Variants in LRRCC1 observed in about 807,000 individuals in gnomAD.
The protein encoded by LRRCC1 is leucine-rich repeat and coiled-coil domain-containing protein 1.
In LRRCC1, 115 loss-of-function variants were observed where a neutral mutation model predicts 126.0. That is an observed-to-expected ratio of 0.91 (90% CI 0.78 to 1.07). The LOEUF (loss-of-function observed/expected upper bound fraction) is 1.07. Ranked by LOEUF, LRRCC1 falls within the 50% of genes least tolerant of loss-of-function variation. The probability of loss-of-function intolerance (pLI) is 0.00; values close to 1 mark genes in which losing one functional copy is unlikely to be tolerated. For missense variants in LRRCC1, 1,172 were observed against 1,175.7 expected, an observed-to-expected ratio of 1.00 and a Z score of 0.05; for synonymous variants, 400 against 393.4, an observed-to-expected ratio of 1.02 and a Z score of -0.20.
intron 6 of LRRCC1, among the ~76,000 whole-genome samples, chr8:85,121,916 A>G (rs748949030): frequency 5.9e-5 from 9 of 152,126 alleles, no homozygotes; most frequent in African/African-American, 2.2e-4. Flanking sequence ...TGAGGATTCA[A>G]ATTTCCATCT....
chr8:85,130,122 C>T, intron 11 of LRRCC1, 64 bp downstream of exon 11: 1 of 1,247,732 alleles, frequency 8.0e-7, no homozygotes, highest in Non-Finnish European at 1.1e-6. Flanking sequence ...GCTACTGGTT[C>T]CCCACTACCA....
At position 85,115,975 on chromosome 8, in the gene LRRCC1, C is replaced by T. The variant is rs956793267; in HGVS notation, c.930+391C>T. On this transcript the variant is annotated intron_variant, in intron 6 of 18. Coordinates refer to ENST00000360375, the MANE Select transcript of LRRCC1 (RefSeq NM_033402.5). ...TTCAGTGGTTTAATGGTCAAAATCACTTCTACAACTTATAGCTAAATGGCA... is the reference window on the plus strand; with the variant it reads ...TTCAGTGGTTTAATGGTCAAAATCATTTCTACAACTTATAGCTAAATGGCA... 3.3e-5 allele frequency among the ~76,000 whole-genome samples: 5 copies of T among 152,244 alleles called. No homozygotes were observed. The East Asian group carries it at 9.6e-4, about 29-fold the overall frequency.
chr8:85,129,154 C>T, intron 9 of LRRCC1, 21 bp from the exon 10 acceptor site: 1 of 1,523,686 alleles, frequency 6.6e-7, no homozygotes, highest in Non-Finnish European at 9.0e-7. Flanking sequence ...TACTTAACAC[C>T]ACATATAACT....
intron 9 of LRRCC1, among the ~76,000 whole-genome samples, chr8:85,128,767 A>G (rs1810208651): frequency 6.6e-6 from 1 of 152,170 alleles, no homozygotes; most frequent in South Asian, 2.1e-4. Flanking sequence ...TCCAGCATCC[A>G]GTCAGTCACC....
At chr8:85,138,543 G>A (rs1338700568) in intron 17 of LRRCC1, 68 bp downstream of exon 17, 12 of 1,447,364 alleles carry the variant, frequency 8.3e-6, no homozygotes, top group Middle Eastern at 3.6e-4. Context: ...GGTGAAATAC[G>A]TATAAAGAGA....
intron 12 of LRRCC1, among the ~76,000 whole-genome samples, chr8:85,133,902 T>C (rs772783648): frequency 1.3e-5 from 2 of 152,214 alleles, no homozygotes; most frequent in Admixed American, 6.5e-5. Context: ...AGACCTCCAT[T>C]GTCCCTTCAT....
Position 85,145,422 on chromosome 8 carries a change from T to C in LRRCC1, c.3010T>C (p.Leu1004=). 2.5e-6 allele frequency: 4 copies of C among 1,570,048 alleles called. No homozygotes were observed. Among genetic ancestry groups the C allele is most frequent in the Non-Finnish European group, 2.6e-6 (3 of 1,162,776 alleles). The change falls in exon 19 of 19, where the codon TTG becomes CTG. Residue 1004 remains leucine (L), a synonymous_variant. Transcript: ENST00000360375. Reference sequence around the variant, plus strand: ...AATTGAAAAAGAAATGCGTGAACTTTTGGAAGAAACATGCAAGAACAAAAA... The same window carrying C: ...AATTGAAAAAGAAATGCGTGAACTTCTGGAAGAAACATGCAAGAACAAAAA... ...HQIEKEMREL[L]EETCKNKKTM...
chr8:85,109,837 G>A, intron 2 of LRRCC1, 37 bp downstream of exon 2: 1 of 1,141,252 alleles, frequency 8.8e-7, no homozygotes, highest in Non-Finnish European at 1.2e-6. Flanking sequence ...TTAGCGTAAG[G>A]AAAATGATTT....
At chr8:85,116,952 T>C (rs188631224) in intron 6 of LRRCC1, among the ~76,000 whole-genome samples, 6 of 152,298 alleles carry the variant, frequency 3.9e-5, no homozygotes, top group Admixed American at 1.3e-4. Context: ...CTGGCCTACA[T>C]ATTATTTGAC....
intron 6 of LRRCC1, among the ~76,000 whole-genome samples, chr8:85,116,218 A>G (rs1427637973): frequency 1.3e-5 from 2 of 152,168 alleles, no homozygotes; most frequent in Non-Finnish European, 2.9e-5. Flanking sequence ...CCACAGTGGC[A>G]GTGGTTCTCT....
intron 17 of LRRCC1, among the ~76,000 whole-genome samples, chr8:85,141,053 C>T (rs1811214926): frequency 6.6e-6 from 1 of 151,956 alleles, no homozygotes; most frequent in Non-Finnish European, 1.5e-5. Flanking sequence ...GTGACACAGC[C>T]AGACCCTGTC....
chr8:85,111,879 T>G (rs868256176), intron 3 of LRRCC1, among the ~76,000 whole-genome samples: 2 of 151,854 alleles, frequency 1.3e-5, no homozygotes, highest in Non-Finnish European at 2.9e-5. Flanking sequence ...TTTGTTTTTT[T>G]TTTTTTTTAA....
chr8:85,138,034 G>C lies in LRRCC1; in HGVS notation c.2494-1G>C. The C allele has an allele frequency of 6.6e-7, 1 of 1,508,646 alleles. No homozygotes were observed. Among genetic ancestry groups the C allele is most frequent in the African/African-American group, 1.4e-5 (1 of 71,194 alleles). 93.5% of individuals were successfully genotyped at this position (1,508,646 alleles called of 1,614,324 possible). On this transcript the variant is annotated splice_acceptor_variant, in intron 15 of 18. Coordinates refer to ENST00000360375, the MANE Select transcript of LRRCC1 (RefSeq NM_033402.5). LOFTEE classifies it high-confidence loss of function. ...ACAAAGTGCCAATTTTTTTCTTAAA[G>C]TGTTTACAAGAAAAAGATGAACACA...
intron 18 of LRRCC1, among the ~76,000 whole-genome samples, chr8:85,142,034 G>A (rs1201739472): frequency 6.6e-6 from 1 of 152,148 alleles, no homozygotes; most frequent in Non-Finnish European, 1.5e-5. Context: ...AGTGGCTCAC[G>A]CAAGTAATCC....
chr8:85,138,249 A>G lies in LRRCC1; in HGVS notation c.2702+6A>G, dbSNP rs1466870808. ...GAAATCAGAAAAGCTTACAGGTATTATATAGTACAGTATTTCCCACTGAGA... is the reference window on the plus strand; with the variant it reads ...GAAATCAGAAAAGCTTACAGGTATTGTATAGTACAGTATTTCCCACTGAGA... On this transcript the variant is annotated splice_donor_region_variant and intron_variant, in intron 16 of 18. Coordinates refer to ENST00000360375, the MANE Select transcript of LRRCC1 (RefSeq NM_033402.5). The G allele has an allele frequency of 6.3e-7, 1 of 1,593,302 alleles. No homozygotes were observed. The highest frequency in any genetic ancestry group is 1.2e-5 in the South Asian group (1 of 86,896).
chr8:85,116,219 G>A (rs781191035), intron 6 of LRRCC1, among the ~76,000 whole-genome samples: 2 of 152,188 alleles, frequency 1.3e-5, no homozygotes, highest in African/African-American at 2.4e-5. Context: ...CACAGTGGCA[G>A]TGGTTCTCTT....
intron 17 of LRRCC1, 72 bp downstream of exon 17, chr8:85,138,547 A>G (rs1245139732): frequency 5.6e-6 from 8 of 1,430,182 alleles, no homozygotes; most frequent in Non-Finnish European, 7.6e-6. Flanking sequence ...AAATACGTAT[A>G]AAGAGAGGAG....
chr8:85,126,868 C>A (rs763032223), intron 9 of LRRCC1, 31 bp downstream of exon 9: 3 of 1,559,092 alleles, frequency 1.9e-6, no homozygotes, highest in Admixed American at 1.8e-5. Flanking sequence ...CTGAAGATAC[C>A]TCATAGCATA....
intron 8 of LRRCC1, among the ~76,000 whole-genome samples, chr8:85,125,907 T>C (rs1809958226): frequency 6.6e-6 from 1 of 152,102 alleles, no homozygotes; most frequent in Admixed American, 6.5e-5. Flanking sequence ...AAAATAATAA[T>C]TATCATTATG....
Sources: allele counts gnomAD v4.1 joint callset (sites outside exome capture counted in the v4.1 genomes callset), GRCh38; gene constraint gnomAD v4.1.1; transcripts MANE v1.5; gene names NCBI Gene and HGNC (gene_info 2026-07-23, HGNC 2026-07-21).